Variants in CTIF observed in about 807,000 individuals in gnomAD.
The protein encoded by CTIF is CBP80/20-dependent translation initiation factor.
A neutral mutation model predicts 66.0 loss-of-function variants in CTIF; 21 were observed. The ratio of observed to expected loss-of-function variants is 0.32; its 90% CI spans 0.23 to 0.46. The LOEUF is 0.46. Among genes scored for constraint, CTIF ranks in the 20% least tolerant of loss-of-function variants. CTIF has a pLI of 1.00. For missense variants in CTIF, 739 were observed against 812.7 expected, an observed-to-expected ratio of 0.91 and a Z score of 1.10; for synonymous variants, 345 against 326.4, an observed-to-expected ratio of 1.06 and a Z score of -0.62.
chr18:48,783,671 T>TCCACC (rs1485342511), intron 9 of CTIF, among the ~76,000 whole-genome samples: 13 of 152,136 alleles, frequency 8.5e-5, no homozygotes, highest in Non-Finnish European at 2.9e-5. Context: ...ACCTGGGATT[T>TCCACC]CCACCCCACC....
chr18:48,801,387 G>A (rs771765364), intron 9 of CTIF, among the ~76,000 whole-genome samples: 14 of 152,196 alleles, frequency 9.2e-5, no homozygotes, highest in South Asian at 2.1e-4. Context: ...GGCTCCCTCC[G>A]CCTCCGGCTG....
At chr18:48,703,998 G>A (rs1429016454) in intron 6 of CTIF, among the ~76,000 whole-genome samples, 8 of 152,320 alleles carry the variant, frequency 5.3e-5, no homozygotes, top group South Asian at 2.1e-4. Flanking sequence ...GGGGGGAAGC[G>A]TAGTGGTCAC....
intron 1 of CTIF, among the ~76,000 whole-genome samples, chr18:48,569,039 A>AT (rs2089350552): frequency 1.3e-5 from 2 of 151,826 alleles, no homozygotes; most frequent in African/African-American, 4.8e-5. Flanking sequence ...CCCTCATGTG[A>AT]TTTTTCCTCT....
chr18:48,683,182 T>C (rs931274294), intron 6 of CTIF: 3 of 152,100 alleles, frequency 2.0e-5, no homozygotes, highest in Non-Finnish European at 2.9e-5. Context: ...CACAAACTTC[T>C]GTCTGCAAAG....
chr18:48,542,598 A>G (rs566036901), intron 1 of CTIF, among the ~76,000 whole-genome samples: 1 of 152,340 alleles, frequency 6.6e-6, no homozygotes, highest in East Asian at 1.9e-4. Context: ...CTGCTTCTCT[A>G]CAAAGATAGT....
At chr18:48,855,180 G>T (rs1293191504) in intron 10 of CTIF, among the ~76,000 whole-genome samples, 1 of 152,244 alleles carries the variant, frequency 6.6e-6, no homozygotes, top group Non-Finnish European at 1.5e-5. Flanking sequence ...TCTCTCTACA[G>T]TGTGATCAAG....
chr18:48,805,415 G>A (rs2068124924), intron 9 of CTIF, among the ~76,000 whole-genome samples: 1 of 151,366 alleles, frequency 6.6e-6, no homozygotes, highest in Non-Finnish European at 1.5e-5. Flanking sequence ...GGGGGACCAA[G>A]GAGGAAAGCC....
At chr18:48,840,178 A>G (rs919738211) in intron 10 of CTIF, among the ~76,000 whole-genome samples, 1 of 152,218 alleles carries the variant, frequency 6.6e-6, no homozygotes, top group Non-Finnish European at 1.5e-5. Context: ...ATGCTCAGCC[A>G]AGAGAATTGT....
intron 2 of CTIF, chr18:48,621,378 G>A: frequency 4.8e-6 from 1 of 206,322 alleles, no homozygotes; most frequent in Non-Finnish European, 9.9e-6. Context: ...GAAGAGTCCG[G>A]GCCCAGCCAG....
chr18:48,636,574 G>T, intron 2 of CTIF, 40 bp from the exon 3 acceptor site: 1 of 1,458,860 alleles, frequency 6.9e-7, no homozygotes, highest in Non-Finnish European at 9.1e-7. Context: ...CATGGGCCTG[G>T]CTGTCCTGCC....
chr18:48,861,277 A>G lies in CTIF; in HGVS notation c.*1718A>G, dbSNP rs572681618. The G allele has an allele frequency of 6.6e-6, 1 of 152,422 alleles. No homozygotes were observed. The highest frequency in any genetic ancestry group is 6.5e-5 in the Admixed American group (1 of 15,298). The allele number at this position is 152,422 out of a possible 1,614,324, so 9.4% of individuals were successfully genotyped here. A position where few individuals can be genotyped will look rare whatever the true frequency, so the allele number is the denominator to read the frequency against. Reference sequence around the variant, plus strand: ...TTGGCGACAAGGTGTAGGGGGCACAAGTTTACCTGAAACAGGTCAGTGGTC... The same window carrying G: ...TTGGCGACAAGGTGTAGGGGGCACAGGTTTACCTGAAACAGGTCAGTGGTC... On this transcript the variant is annotated 3_prime_UTR_variant, in exon 12 of 12. Transcript: ENST00000256413.
In CTIF at chr18:48,859,963, C is replaced by T. The variant is rs752231193; in HGVS notation, c.*404C>T. 10 of 468,756 alleles carry T rather than the reference C, an allele frequency of 2.1e-5. 1 individual carries two copies. The highest frequency in any genetic ancestry group is 7.7e-5 in the South Asian group (5 of 64,716). The allele number at this position is 468,756 out of a possible 1,614,324, so 29.0% of individuals were successfully genotyped here. A position where few individuals can be genotyped will look rare whatever the true frequency, so the allele number is the denominator to read the frequency against. On this transcript the variant is annotated 3_prime_UTR_variant, in exon 12 of 12. Transcript: ENST00000256413. ...GCACCGCTTGGGTCAGAAAGGACCT[C>T]GGAAGGCTGAAAAAGTGGGTCGGAG...
intron 7 of CTIF, among the ~76,000 whole-genome samples, chr18:48,747,047 ATATGT>A (rs1199100734): frequency 6.6e-6 from 1 of 152,112 alleles, no homozygotes; most frequent in Non-Finnish European, 1.5e-5. Flanking sequence ...GGCGGGAACC[ATATGT>A]TATGTTGCTT....
At chr18:48,785,854 C>A (rs1265488741) in intron 9 of CTIF, among the ~76,000 whole-genome samples, 2 of 152,164 alleles carry the variant, frequency 1.3e-5, no homozygotes, top group African/African-American at 4.8e-5. Context: ...TGGGTAGGAC[C>A]CCCGCATCAA....
chr18:48,857,527 T>TACAGGGCCCA, intron 10 of CTIF, 61 bp from the exon 11 acceptor site: 1 of 1,512,444 alleles, frequency 6.6e-7, no homozygotes, highest in South Asian at 1.3e-5. Context: ...TGCAGGGAGC[T>TACAGGGCCCA]ACAGGGCCCA....
At chr18:48,817,770 G>A (rs1203298154) in intron 10 of CTIF, among the ~76,000 whole-genome samples, 1 of 134,674 alleles carries the variant, frequency 7.4e-6, no homozygotes, top group African/African-American at 3.1e-5. Flanking sequence ...GCGAGACTCG[G>A]TCTCCAAAAA....
intron 1 of CTIF, among the ~76,000 whole-genome samples, chr18:48,596,242 A>G (rs2089985040): frequency 6.6e-6 from 1 of 152,208 alleles, no homozygotes; most frequent in Non-Finnish European, 1.5e-5. Context: ...GTCTACAGGC[A>G]GGCAGCTCAG....
intron 10 of CTIF, among the ~76,000 whole-genome samples, chr18:48,832,626 C>T (rs1355840573): frequency 1.3e-5 from 2 of 152,190 alleles, no homozygotes; most frequent in East Asian, 3.8e-4. Flanking sequence ...GTGTGGAAGG[C>T]ACAATTAGCT....
chr18:48,614,830 A>G (rs548416114), intron 1 of CTIF, among the ~76,000 whole-genome samples: 3 of 152,274 alleles, frequency 2.0e-5, no homozygotes, highest in African/African-American at 7.2e-5. Context: ...GGTTAAGATT[A>G]TAAGGTTTTG....
Sources: allele counts gnomAD v4.1 joint callset (sites outside exome capture counted in the v4.1 genomes callset), GRCh38; gene constraint gnomAD v4.1.1; transcripts MANE v1.5; gene names NCBI Gene and HGNC (gene_info 2026-07-23, HGNC 2026-07-21).